PLA2G4E: variants seen among roughly 807,000 people sequenced by gnomAD.
The protein encoded by PLA2G4E is phospholipase A2 group IVE.
PLA2G4E carries 84 observed loss-of-function variants against 109.1 expected under a neutral mutation model. The ratio of observed to expected loss-of-function variants is 0.77; its 90% CI spans 0.65 to 0.92. PLA2G4E has a LOEUF of 0.92. PLA2G4E is among the 40% of genes least tolerant of loss of function. The pLI is 0.00. For synonymous variants in PLA2G4E, 469 were observed against 436.1 expected, an observed-to-expected ratio of 1.08 and a Z score of -0.94; for missense variants, 1,057 against 1,076.6, an observed-to-expected ratio of 0.98 and a Z score of 0.25.
At chr15:42,049,413 C>T (rs926456073) in intron 1 of PLA2G4E, among the ~76,000 whole-genome samples, 1 of 152,318 alleles carries the variant, frequency 6.6e-6, no homozygotes. Flanking sequence ...AAGGGTCCCA[C>T]GTCTCAACAC....
At chr15:42,030,994 G>A (rs1889101733) in intron 1 of PLA2G4E, among the ~76,000 whole-genome samples, 1 of 152,124 alleles carries the variant, frequency 6.6e-6, no homozygotes, top group Non-Finnish European at 1.5e-5. Context: ...TTGAGACAGA[G>A]TGTTGTTCTG....
chr15:41,984,675 A>G, intron 18 of PLA2G4E, 56 bp from the exon 19 acceptor site: 1 of 1,441,426 alleles, frequency 6.9e-7, no homozygotes, highest in Non-Finnish European at 9.3e-7. Context: ...GTGGAGGAGA[A>G]GCACAGAGTT....
At chr15:42,000,074 A>T (rs1176836268) in intron 8 of PLA2G4E, 30 bp downstream of exon 8, 2 of 1,573,506 alleles carry the variant, frequency 1.3e-6, no homozygotes, top group East Asian at 2.4e-5. Context: ...CCAGTCCCCC[A>T]CACCTCCCCC....
chr15:41,995,180 G>T (rs1051414181), intron 12 of PLA2G4E, among the ~76,000 whole-genome samples, 180 bp downstream of exon 12: 2 of 152,240 alleles, frequency 1.3e-5, no homozygotes, highest in Non-Finnish European at 2.9e-5. Flanking sequence ...AGATACACAA[G>T]CCGAGCCTCC....
At chr15:42,013,227 G>T (rs1371201377) in intron 2 of PLA2G4E, among the ~76,000 whole-genome samples, 1 of 152,164 alleles carries the variant, frequency 6.6e-6, no homozygotes, top group Non-Finnish European at 1.5e-5. Context: ...CTTGAGAAGG[G>T]GCTCTGGGAG....
At chr15:42,033,888 G>A (rs1031050815) in intron 1 of PLA2G4E, among the ~76,000 whole-genome samples, 3 of 152,208 alleles carry the variant, frequency 2.0e-5, no homozygotes, top group Non-Finnish European at 4.4e-5. Flanking sequence ...TTGCCAAGGT[G>A]CAAATGACAC....
At chr15:42,028,697 G>A (rs1001769040) in intron 1 of PLA2G4E, among the ~76,000 whole-genome samples, 6 of 152,086 alleles carry the variant, frequency 3.9e-5, no homozygotes, top group East Asian at 1.9e-4. Flanking sequence ...ATGAGCCACC[G>A]TGCCCAGCCT....
intron 1 of PLA2G4E, among the ~76,000 whole-genome samples, chr15:42,039,698 T>C (rs1277553289): frequency 2.0e-5 from 3 of 151,848 alleles, no homozygotes; most frequent in Non-Finnish European, 2.9e-5. Flanking sequence ...ACATGCAAAA[T>C]AGCAATGAAA....
chr15:41,996,106 G>C (rs1044452008), intron 11 of PLA2G4E, among the ~76,000 whole-genome samples: 18 of 152,214 alleles, frequency 1.2e-4, no homozygotes, highest in African/African-American at 3.9e-4. Context: ...CAGCACTTTG[G>C]GGGGCCGAGG....
chr15:41,982,968 C>A (rs974894245), exon 20 of PLA2G4E: 2 of 152,196 alleles, frequency 1.3e-5, no homozygotes, highest in African/African-American at 4.8e-5. Context: ...AAATAAAAAT[C>A]ATGAAATATA....
At chr15:42,002,618 G>A in intron 6 of PLA2G4E, 36 bp downstream of exon 6, 3 of 1,558,986 alleles carry the variant, frequency 1.9e-6, no homozygotes, top group Non-Finnish European at 1.7e-6. Context: ...GCCAGCCGTG[G>A]CCTCTGGAGC....
chr15:42,024,635 T>C (rs910448459), intron 1 of PLA2G4E, among the ~76,000 whole-genome samples: 2 of 152,118 alleles, frequency 1.3e-5, no homozygotes, highest in Admixed American at 6.5e-5. Flanking sequence ...TTCCAGGTGG[T>C]TCAGGGCCCT....
intron 17 of PLA2G4E, among the ~76,000 whole-genome samples, chr15:41,986,507 C>A (rs943973402): frequency 6.6e-6 from 1 of 151,060 alleles, no homozygotes; most frequent in South Asian, 2.1e-4. Context: ...CAGTTCCAAG[C>A]GGGCACCACT....
rs367544187 is a variant in PLA2G4E at position 42,044,397 on chromosome 15, G to A, written c.183+6124C>T. Among the ~76,000 whole-genome samples, 235 of 152,158 alleles carry A rather than the reference G, an allele frequency of 1.5e-3. 2 individuals carry two copies. The highest frequency in any genetic ancestry group is 5.4e-3 in the African/African-American group (224 of 41,476). On this transcript the variant is annotated intron_variant, in intron 1 of 19. Coordinates refer to ENST00000399518, the Ensembl canonical transcript of PLA2G4E. ...GCGTTGAGGAGTGGAAAAGGCTGGC[G>A]TGTTCAGAAACTGAGCACCTGTGTC...
At chr15:42,023,259 G>A (rs2068664657) in intron 1 of PLA2G4E, among the ~76,000 whole-genome samples, 1 of 151,822 alleles carries the variant, frequency 6.6e-6, no homozygotes, top group Admixed American at 6.6e-5. Flanking sequence ...CACATGAAGA[G>A]GTCCCACAGA....
rs559153134 is a variant in PLA2G4E, at chr15:42,004,911, T to C, written c.566+27A>G. 127 of 1,598,742 alleles carry C rather than the reference T, an allele frequency of 7.9e-5. No individual in the cohort carries two copies. In the African/African-American group the frequency reaches 1.5e-3, roughly 19 times the overall value. ...AGCTACTTGATGGCCAGGACCTTGGTGGGCCCCGGGGCCTGGGCCTACTCA... is the reference window on the plus strand; with the variant it reads ...AGCTACTTGATGGCCAGGACCTTGGCGGGCCCCGGGGCCTGGGCCTACTCA... On this transcript the variant is annotated intron_variant, in intron 5 of 19. Coordinates refer to ENST00000399518, the Ensembl canonical transcript of PLA2G4E.
chr15:41,990,026 A>C (rs1205767395), intron 14 of PLA2G4E, 95 bp downstream of exon 14: 7 of 899,338 alleles, frequency 7.8e-6, no homozygotes, highest in African/African-American at 1.7e-5. Flanking sequence ...GACAAAGATG[A>C]GTGGGATTGG....
At chr15:42,031,785 C>T (rs1391804360) in intron 1 of PLA2G4E, among the ~76,000 whole-genome samples, 13 of 152,296 alleles carry the variant, frequency 8.5e-5, no homozygotes, top group African/African-American at 3.1e-4. Context: ...GCAAGTTCAG[C>T]CCTGCAGTAA....
At chr15:42,004,039 G>A (rs568040988) in intron 5 of PLA2G4E, among the ~76,000 whole-genome samples, 24 of 152,256 alleles carry the variant, frequency 1.6e-4, no homozygotes, top group South Asian at 6.2e-4. Context: ...GGCTGGGCGC[G>A]GTGGCTCATG....
Sources: allele counts gnomAD v4.1 joint callset (sites outside exome capture counted in the v4.1 genomes callset), GRCh38; gene constraint gnomAD v4.1.1; transcripts MANE v1.5; gene names NCBI Gene and HGNC (gene_info 2026-07-23, HGNC 2026-07-21).